SLC35F4: variants seen among roughly 807,000 people sequenced by gnomAD.
SLC35F4 encodes solute carrier family 35 member F4, also known as chromosome 14 open reading frame 36.
A neutral mutation model predicts 44.2 loss-of-function variants in SLC35F4; 24 were observed. The observed-to-expected ratio is 0.54, with a 90% confidence interval of 0.39 to 0.76. SLC35F4 has a LOEUF of 0.76. Among genes scored for constraint, SLC35F4 ranks in the 30% least tolerant of loss-of-function variants. The pLI is 0.00. For missense variants in SLC35F4, 562 were observed against 586.1 expected (o/e 0.96, Z 0.42); for synonymous variants, 238 against 223.6 (o/e 1.06, Z -0.57).
chr14:57,710,229 G>A (rs1307859995), intron 1 of SLC35F4, among the ~76,000 whole-genome samples: 2 of 152,256 alleles, frequency 1.3e-5, no homozygotes, highest in East Asian at 1.9e-4. Flanking sequence ...TTGCTTCAGA[G>A]GGTGCAAGCC....
At chr14:57,718,113 A>C (rs2075989657) in intron 1 of SLC35F4, among the ~76,000 whole-genome samples, 1 of 152,228 alleles carries the variant, frequency 6.6e-6, no homozygotes, top group South Asian at 2.1e-4. Context: ...CAAATAAGTG[A>C]GAACATGCTA....
chr14:57,683,636 C>T (rs540720146), intron 1 of SLC35F4, among the ~76,000 whole-genome samples: 86 of 152,338 alleles, frequency 5.6e-4, no homozygotes, highest in Admixed American at 2.1e-3. Context: ...TAAAGTACTG[C>T]TTTCAAGTGC....
Position 57,951,015 on chromosome 14 carries a change from A to T in SLC35F4, n.282+30898T>A, listed in dbSNP as rs111955380. Reference sequence around the variant, plus strand: ...TCTTGAATTTGGGGTGGCTGGCAAGATGGCCAATTGGGAACACCTCTAGTC... The same window carrying T: ...TCTTGAATTTGGGGTGGCTGGCAAGTTGGCCAATTGGGAACACCTCTAGTC... On this transcript the variant is annotated intron_variant and non_coding_transcript_variant, in intron 1 of 1. Coordinates refer to the SLC35F4 transcript ENST00000556568. 3.5e-3 allele frequency among the ~76,000 whole-genome samples: 539 copies of T among 152,218 alleles called. 3 individuals carry two copies. Among genetic ancestry groups the T allele is most frequent in the African/African-American group, 0.012 (510 of 41,536 alleles).
chr14:57,973,347 G>A (rs375004845), downstream of SLC35F4, among the ~76,000 whole-genome samples: 39 of 152,328 alleles, frequency 2.6e-4, no homozygotes, highest in South Asian at 7.9e-3. Context: ...GAGGCTGCTT[G>A]TAATCACTCA....
At chr14:57,977,825 G>A (rs1318892786) in intron 1 of SLC35F4, among the ~76,000 whole-genome samples, 1 of 152,100 alleles carries the variant, frequency 6.6e-6, no homozygotes, top group African/African-American at 2.4e-5. Flanking sequence ...GAGTGGCCCC[G>A]AAAGACAGTG....
chr14:57,771,066 T>C (rs2077351952), intron 1 of SLC35F4, among the ~76,000 whole-genome samples: 2 of 152,196 alleles, frequency 1.3e-5, no homozygotes, highest in Non-Finnish European at 2.9e-5. Flanking sequence ...TTCTGTATCA[T>C]TTCAGGGCCT....
intron 1 of SLC35F4, among the ~76,000 whole-genome samples, chr14:57,751,914 C>T (rs913830825): frequency 4.8e-5 from 2 of 41,476 alleles, no homozygotes; most frequent in Non-Finnish European, 1.1e-4. Context: ...AAAAACATTT[C>T]TCTCTCTCTC....
chr14:57,657,595 G>A (rs1355352157), intron 1 of SLC35F4, among the ~76,000 whole-genome samples: 1 of 152,040 alleles, frequency 6.6e-6, no homozygotes, highest in Non-Finnish European at 1.5e-5. Flanking sequence ...TCTCCACTGT[G>A]CCACAAATTG....
chr14:57,858,638 C>T lies in SLC35F4; in HGVS notation c.103+7085G>A, dbSNP rs914122709. Among the ~76,000 whole-genome samples, 5 of 151,234 alleles carry T rather than the reference C, an allele frequency of 3.3e-5. No individual in the cohort carries two copies. The East Asian group carries it at 9.7e-4, about 29-fold the overall frequency. ...GGCGCATGTATACATATGTAACAAACCTGCACATTGTGCACATGTACCCTA... is the reference window on the plus strand; with the variant it reads ...GGCGCATGTATACATATGTAACAAATCTGCACATTGTGCACATGTACCCTA... On this transcript the variant is annotated intron_variant, in intron 1 of 7. Transcript: ENST00000556826.
chr14:57,776,322 A>G (rs917698005), intron 1 of SLC35F4, among the ~76,000 whole-genome samples: 5 of 152,188 alleles, frequency 3.3e-5, no homozygotes, highest in Non-Finnish European at 5.9e-5. Context: ...CTTTACAAGA[A>G]GATCATCCCC....
At chr14:57,640,856 T>C (rs546930272) in intron 1 of SLC35F4, among the ~76,000 whole-genome samples, 1 of 152,112 alleles carries the variant, frequency 6.6e-6, no homozygotes, top group African/African-American at 2.4e-5. Flanking sequence ...TTACAAACAA[T>C]ATTAACATAA....
chr14:57,706,813 G>A (rs886614205), intron 1 of SLC35F4, among the ~76,000 whole-genome samples: 2 of 152,088 alleles, frequency 1.3e-5, no homozygotes, highest in Non-Finnish European at 2.9e-5. Context: ...TGGAGAAGTG[G>A]GCCAGATAAC....
chr14:57,869,154 A>G (rs565986799), upstream of SLC35F4, among the ~76,000 whole-genome samples: 1 of 151,628 alleles, frequency 6.6e-6, no homozygotes, highest in African/African-American at 2.4e-5. Context: ...CAGATTAGCT[A>G]TTTATACTAA....
intron 1 of SLC35F4, among the ~76,000 whole-genome samples, chr14:57,872,997 A>G (rs1461041120): frequency 6.6e-6 from 1 of 152,208 alleles, no homozygotes; most frequent in African/African-American, 2.4e-5. Context: ...ATGGGAAGCC[A>G]AGTGGAGAAA....
chr14:57,887,477 C>T lies in SLC35F4; in HGVS notation n.282+94436G>A, dbSNP rs76818705. On this transcript the variant is annotated intron_variant and non_coding_transcript_variant, in intron 1 of 1. Transcript: ENST00000556568. ...TTACTCCATTACCTTGGGAATTGTG[C>T]TGTCTGCTAAGACTAAAAACTGAGA... Among the ~76,000 whole-genome samples the T allele has an allele frequency of 5.4e-3, 816 of 152,286 alleles. 3 individuals carry two copies. The highest frequency in any genetic ancestry group is 0.018 in the African/African-American group (756 of 41,566).
At chr14:57,663,791 C>G (rs2074216515) in intron 1 of SLC35F4, among the ~76,000 whole-genome samples, 1 of 152,130 alleles carries the variant, frequency 6.6e-6, no homozygotes, top group Admixed American at 6.6e-5. Flanking sequence ...GTCAGTATCA[C>G]TTTTTAGTCC....
At position 57,780,464 on chromosome 14, in the gene SLC35F4, C is replaced by A. The variant is rs1273831507; in HGVS notation, c.103+85259G>T. Among the ~76,000 whole-genome samples, 5 of 152,104 alleles carry A rather than the reference C, an allele frequency of 3.3e-5. No homozygotes were observed. The East Asian group carries it at 9.6e-4, about 29-fold the overall frequency. On this transcript the variant is annotated intron_variant, in intron 1 of 7. Coordinates refer to ENST00000556826, the MANE Select transcript of SLC35F4 (RefSeq NM_001306087.2). ...GACACAAACAAATGGAAAAACATTT[C>A]ATGCTCACAGATAGAAAGAATCAAT...
intron 1 of SLC35F4, among the ~76,000 whole-genome samples, chr14:57,838,955 C>CA (rs974555726): frequency 6.6e-6 from 1 of 152,008 alleles, no homozygotes; most frequent in Non-Finnish European, 1.5e-5. Flanking sequence ...TGTACATACA[C>CA]AAAAAAACAG....
intron 1 of SLC35F4, among the ~76,000 whole-genome samples, chr14:57,816,442 C>A (rs1329940957): frequency 6.9e-6 from 1 of 144,906 alleles, no homozygotes; most frequent in African/African-American, 2.6e-5. Flanking sequence ...GAAACCTTAG[C>A]TCAGGGCCTA....
Sources: gnomAD v4.1 joint callset for allele counts (sites outside exome capture counted in the v4.1 genomes callset) on GRCh38, gnomAD v4.1.1 for gene constraint, MANE v1.5 for transcripts, NCBI Gene and HGNC (gene_info 2026-07-23, HGNC 2026-07-21) for gene names.